The following CACNA1S variants were observed in gnomAD, a reference collection of about 807,000 sequenced individuals.
CACNA1S encodes the protein voltage-dependent L-type calcium channel subunit alpha-1S.
A neutral mutation model predicts 207.4 loss-of-function variants in CACNA1S; 126 were observed. The observed-to-expected ratio is 0.61, with a 90% CI of 0.53 to 0.70. CACNA1S has a LOEUF of 0.70. Among genes scored for constraint, CACNA1S ranks in the 30% least tolerant of loss-of-function variants. The pLI is 0.00. For synonymous variants in CACNA1S, 960 were observed against 932.7 expected (o/e 1.03, Z -0.53); for missense variants, 2,349 against 2,422.8 (o/e 0.97, Z 0.64).
In CACNA1S at chr1:201,053,366, T is replaced by G. The variant is rs558142585; in HGVS notation, c.3796-92A>C. ...CTGTTAGCTCCCCAGGGCTCTGCCT[T>G]GCCCAGGGCTCCCCTGGGGCCCACC... On this transcript the variant is annotated intron_variant, in intron 30 of 43. Transcript: ENST00000362061. The surrounding 1 kb of genome is among the most constrained non-coding windows in gnomAD (Gnocchi z 5.1). The G allele has an allele frequency of 1.8e-4, 283 of 1,609,674 alleles. No individual in the cohort carries two copies. Among genetic ancestry groups the G allele is most frequent in the Middle Eastern group, 1.6e-4 (1 of 6,072 alleles).
At chr1:201,073,215 G>C (rs1272057938) in intron 15 of CACNA1S, among the ~76,000 whole-genome samples, 1 of 152,232 alleles carries the variant, frequency 6.6e-6, no homozygotes, top group Non-Finnish European at 1.5e-5. Context: ...GGAATGAGCA[G>C]GGCAGGGCTA....
intron 22 of CACNA1S, among the ~76,000 whole-genome samples, chr1:201,064,140 G>C (rs559555991): frequency 3.3e-5 from 5 of 152,338 alleles, no homozygotes; most frequent in African/African-American, 1.2e-4. Flanking sequence ...TTCCTTCAGG[G>C]AGCGTGTCTG....
Position 201,062,012 on chromosome 1 carries a change from G to A in CACNA1S, c.2985C>T (p.Phe995=). The change falls in exon 24 of 44, where the codon TTC becomes TTT. Residue 995 remains phenylalanine, a synonymous_variant. Transcript: ENST00000362061. ...TGGCTGAGAGCACATTGTCGAAGTG[G>A]AAGTCGCTGTGTACCCACTCGCGGT... The part of the protein sequence containing the change: ...LRHREWVHSD[F]HFDNVLSAMM... 1 of 1,614,206 alleles carries A rather than the reference G, an allele frequency of 6.2e-7. No homozygotes were observed. Among genetic ancestry groups the A allele is most frequent in the East Asian group, 2.2e-5 (1 of 44,888 alleles).
At chr1:201,099,701 G>A (rs1662567369) in intron 2 of CACNA1S, among the ~76,000 whole-genome samples, 1 of 152,198 alleles carries the variant, frequency 6.6e-6, no homozygotes, top group African/African-American at 2.4e-5. Context: ...CTTACAGGAA[G>A]CTCTCCACAC....
intron 40 of CACNA1S, 199 bp from the exon 41 acceptor site, chr1:201,041,788 A>G: frequency 1.5e-6 from 1 of 649,434 alleles, no homozygotes; most frequent in Non-Finnish European, 2.8e-6. Context: ...AGTCCAGAGC[A>G]TTCCTGACTC....
At chr1:201,055,320 C>A (rs1558059086) in intron 28 of CACNA1S, among the ~76,000 whole-genome samples, 2 of 152,176 alleles carry the variant, frequency 1.3e-5, no homozygotes, top group Non-Finnish European at 2.9e-5. Flanking sequence ...TTCCCTGGAC[C>A]ACTGGTTCTC....
Position 201,062,050 on chromosome 1 carries a change from T to C in CACNA1S, c.2947A>G (p.Ile983Val), listed in dbSNP as rs1661070129. Residue 983 changes from isoleucine (I) to valine (V), a missense_variant, in exon 24 of 44, where the codon ATA becomes GTA. Ile to Val is a conservative substitution (Grantham distance 29). Coordinates refer to ENST00000362061, the MANE Select transcript of CACNA1S (RefSeq NM_000069.3). ...YVYKDGDPMQ[I>V]ELRHREWVHS... ...ACCCACTCGCGGTGACGCAGCTCTATCTGCATGGGGTCCCCGTCCTTGTAC... is the reference window on the plus strand; with the variant it reads ...ACCCACTCGCGGTGACGCAGCTCTACCTGCATGGGGTCCCCGTCCTTGTAC... 3 of 1,614,114 alleles carry C rather than the reference T, an allele frequency of 1.9e-6. No individual in the cohort carries two copies. In the South Asian group the frequency reaches 3.3e-5, roughly 18 times the overall value.
chr1:201,048,765 C>G, intron 35 of CACNA1S, 81 bp from the exon 36 acceptor site: 1 of 1,274,872 alleles, frequency 7.8e-7, no homozygotes, highest in Non-Finnish European at 1.1e-6. Context: ...GGTCTGTGGA[C>G]CGGGAGGGGA....
At chr1:201,060,897 G>A in intron 25 of CACNA1S, 81 bp from the exon 26 acceptor site, 1 of 1,556,364 alleles carries the variant, frequency 6.4e-7, no homozygotes. Flanking sequence ...GGATTGACGG[G>A]CAAGTCAGGA....
chr1:201,058,839 A>G (rs1224453720), intron 27 of CACNA1S, among the ~76,000 whole-genome samples: 2 of 152,170 alleles, frequency 1.3e-5, no homozygotes, highest in Non-Finnish European at 2.9e-5. Context: ...TGCGGAACTG[A>G]CAGGGCTGTG....
In CACNA1S at chr1:201,060,655, T is replaced by C. The variant is rs892742196; in HGVS notation, c.3414+3A>G. ...AGACATTTTTCTCCTGGGGAGCCCT[T>C]ACCTGCATGCCGAGGCAGATGGTGT... is the stretch of plus-strand genomic sequence containing the variant. On this transcript the variant is annotated splice_donor_region_variant and intron_variant, in intron 26 of 43. Transcript: ENST00000362061. 1 of 1,614,184 alleles carries C rather than the reference T, an allele frequency of 6.2e-7. No homozygotes were observed. Among genetic ancestry groups the C allele is most frequent in the Non-Finnish European group, 8.5e-7 (1 of 1,180,018 alleles).
At chr1:201,040,901 C>T (rs1660155276) in intron 41 of CACNA1S, among the ~76,000 whole-genome samples, 188 bp from the exon 42 acceptor site, 1 of 152,178 alleles carries the variant, frequency 6.6e-6, no homozygotes, top group Non-Finnish European at 1.5e-5. Context: ...GCAGGGCTGC[C>T]CCAACTTTAC....
intron 2 of CACNA1S, among the ~76,000 whole-genome samples, chr1:201,108,129 AGGGTCTCACTGTGTCACTCGGGCT>A (rs1662965380): frequency 6.8e-6 from 1 of 147,086 alleles, no homozygotes; most frequent in South Asian, 2.2e-4. Context: ...TTTTTGAGAC[AGGGTCTCACTGTGTCACTCGGGCT>A]GGAGTGCAGT....
Position 201,083,434 on chromosome 1 carries a change from G to T in CACNA1S, c.1233-112C>A, listed in dbSNP as rs12743065. The stretch of plus-strand genomic sequence containing the variant: ...TGCGTAGCCTGACCACCCCACTTCC[G>T]CCAGCCACATGAGAGAAGCTCAGGG... On this transcript the variant is annotated intron_variant, in intron 9 of 43. Coordinates refer to ENST00000362061, the MANE Select transcript of CACNA1S (RefSeq NM_000069.3). 293,456 of 1,045,776 alleles carry T rather than the reference G, an allele frequency of 0.28. 47,652 individuals carry two copies. Among genetic ancestry groups the T allele is most frequent in the Non-Finnish European group, 0.35 (234,981 of 670,042 alleles). 64.8% of individuals were successfully genotyped at this position (1,045,776 alleles called of 1,614,324 possible). A position where few individuals can be genotyped will look rare whatever the true frequency, so the allele number is the denominator to read the frequency against.
At chr1:201,049,834 C>G (rs750060720) in intron 34 of CACNA1S, among the ~76,000 whole-genome samples, 3 of 152,192 alleles carry the variant, frequency 2.0e-5, no homozygotes, top group Non-Finnish European at 2.9e-5. Flanking sequence ...GGCACCATCT[C>G]TTACCAGTTA....
intron 39 of CACNA1S, among the ~76,000 whole-genome samples, chr1:201,043,831 C>A (rs947679964): frequency 6.6e-6 from 1 of 152,148 alleles, no homozygotes; most frequent in Admixed American, 6.5e-5. Context: ...GCACTGGGTT[C>A]TAGTCCCCGC....
chr1:201,059,338 G>A lies in CACNA1S; in HGVS notation c.3415-39C>T, dbSNP rs73075033. The A allele has an allele frequency of 0.02, 27,846 of 1,380,696 alleles. 2,263 individuals are homozygous for A. The African/African-American group carries it at 0.24, about 12-fold the overall frequency. The allele number at this position is 1,380,696 out of a possible 1,614,324, so 85.5% of individuals were successfully genotyped here. A position where few individuals can be genotyped will look rare whatever the true frequency, so the allele number is the denominator to read the frequency against. ...ACAGGAGCAGTGGGTCAGGGGGGCC[G>A]GGTTTGCCCACCCTGTAGATTGCAT... On this transcript the variant is annotated intron_variant, in intron 26 of 43. Coordinates refer to ENST00000362061, the MANE Select transcript of CACNA1S (RefSeq NM_000069.3).
rs200427762 is a variant in CACNA1S at position 201,062,494 on chromosome 1, G to A, written c.2874C>T (p.Thr958=). Residue 958 remains threonine, a synonymous_variant, in exon 23 of 44, where the codon ACC becomes ACT. Transcript: ENST00000362061. ...QLFKGKFFRC[T]DLSKMTEEEC... ...CCTCCTCTGTCATCTTGGACAAGTC[G>A]GTGCACCTGAAGAACTTCCCCTGCA... 1.9e-5 allele frequency: 30 copies of A among 1,613,770 alleles called. No homozygotes were observed. The highest frequency in any genetic ancestry group is 1.5e-4 in the South Asian group (14 of 91,074).
rs755524627 is a variant in CACNA1S at position 201,077,831 on chromosome 1, G to A, written c.1619+48C>T. On this transcript the variant is annotated intron_variant, in intron 11 of 43. Transcript: ENST00000362061. ...AGATGGGTGTAGACCAGACCAGCCC[G>A]TGGTGCCTGCCGGGGACCCGGGAGT... 43 of 1,357,394 alleles carry A rather than the reference G, an allele frequency of 3.2e-5. No individual in the cohort carries two copies. In the South Asian group the frequency reaches 4.2e-4, roughly 13 times the overall value. The allele number at this position is 1,357,394 out of a possible 1,614,324, so 84.1% of individuals were successfully genotyped here.
Sources: gnomAD v4.1 joint callset for allele counts (sites outside exome capture counted in the v4.1 genomes callset) on GRCh38, gnomAD v4.1.1 for gene constraint, Gnocchi (gnomAD v3.1) non-coding constraint, MANE v1.5 for transcripts, NCBI Gene and HGNC (gene_info 2026-07-23, HGNC 2026-07-21) for gene names.